ZNF385D: variants seen among roughly 807,000 people sequenced by gnomAD.
ZNF385D encodes zinc finger protein 659.
Under a neutral mutation model 35.8 loss-of-function variants are expected in ZNF385D, and 15 were observed. That is an observed-to-expected ratio of 0.42 (90% CI 0.28 to 0.64). ZNF385D has a LOEUF of 0.64. Among genes scored for constraint, ZNF385D ranks in the 30% least tolerant of loss-of-function variants. ZNF385D has a pLI of 0.23. For synonymous variants in ZNF385D, 212 were observed against 186.8 expected, an observed-to-expected ratio of 1.13 and a Z score of -1.10; for missense variants, 474 against 494.6, an observed-to-expected ratio of 0.96 and a Z score of 0.39.
chr3:21,866,543 T>C (rs542357719), intron 3 of ZNF385D, among the ~76,000 whole-genome samples: 2 of 152,180 alleles, frequency 1.3e-5, no homozygotes, highest in African/African-American at 2.4e-5. Context: ...CATACTCAAC[T>C]GGAGCAAGGG....
intron 2 of ZNF385D, among the ~76,000 whole-genome samples, chr3:22,197,088 C>T (rs1048238670): frequency 2.6e-5 from 4 of 151,994 alleles, no homozygotes; most frequent in Non-Finnish European, 5.9e-5. Flanking sequence ...TAATTTTTCA[C>T]ATAATTTTTA....
At chr3:22,099,729 G>T (rs572052399) in intron 3 of ZNF385D, among the ~76,000 whole-genome samples, 1 of 151,980 alleles carries the variant, frequency 6.6e-6, no homozygotes, top group Non-Finnish European at 1.5e-5. Flanking sequence ...AGGATGGAGC[G>T]TAAGGAGAGC....
intron 2 of ZNF385D, among the ~76,000 whole-genome samples, chr3:22,194,541 C>G (rs1368362176): frequency 6.6e-6 from 1 of 151,724 alleles, no homozygotes; most frequent in Non-Finnish European, 1.5e-5. Flanking sequence ...CAGTAAAATT[C>G]ACTGTCATTT....
chr3:22,010,816 G>A (rs1048318399), intron 3 of ZNF385D, among the ~76,000 whole-genome samples: 1 of 152,108 alleles, frequency 6.6e-6, no homozygotes, highest in Non-Finnish European at 1.5e-5. Context: ...GGTGCTTTGG[G>A]TTGTTTATAT....
intron 3 of ZNF385D, among the ~76,000 whole-genome samples, chr3:22,120,786 T>C (rs532355686): frequency 6.6e-6 from 1 of 152,280 alleles, no homozygotes; most frequent in Non-Finnish European, 1.5e-5. Flanking sequence ...TTTAAATATG[T>C]TTTCCTAATT....
intron 3 of ZNF385D, among the ~76,000 whole-genome samples, chr3:22,085,156 A>C (rs577422323): frequency 6.6e-6 from 1 of 151,328 alleles, no homozygotes; most frequent in South Asian, 2.1e-4. Context: ...TAACATCACA[A>C]TTAAGAATAA....
intron 3 of ZNF385D, among the ~76,000 whole-genome samples, chr3:22,082,615 T>G (rs1295741916): frequency 1.3e-5 from 2 of 152,148 alleles, no homozygotes; most frequent in Non-Finnish European, 2.9e-5. Context: ...ACTCCACCTC[T>G]AGGGGCAGGG....
intron 3 of ZNF385D, among the ~76,000 whole-genome samples, chr3:21,980,437 T>C (rs1427726373): frequency 2.0e-5 from 3 of 152,176 alleles, no homozygotes; most frequent in Admixed American, 6.6e-5. Flanking sequence ...ATAATGTAGA[T>C]AATGAGTAAT....
chr3:22,123,950 CTCTCTCTCTCTCTA>C (rs748937897), intron 3 of ZNF385D, among the ~76,000 whole-genome samples: 1,732 of 102,896 alleles, frequency 0.017, 11 homozygotes, highest in Non-Finnish European at 0.028. Context: ...CTCTCTCTCT[CTCTCTCTCTCTCTA>C]TATATATATA....
chr3:21,856,159 CAT>C (rs1036840800), intron 3 of ZNF385D, among the ~76,000 whole-genome samples: 2 of 152,132 alleles, frequency 1.3e-5, no homozygotes, highest in East Asian at 1.9e-4. Flanking sequence ...AAATTTTTCA[CAT>C]GAGGTATTTT....
intron 3 of ZNF385D, among the ~76,000 whole-genome samples, chr3:21,958,378 A>C (rs1239728244): frequency 6.6e-6 from 1 of 152,122 alleles, no homozygotes; most frequent in East Asian, 1.9e-4. Context: ...TAAGTTTCAT[A>C]CCTCAAAATC....
At chr3:22,074,733 G>T (rs1700384269) in intron 3 of ZNF385D, among the ~76,000 whole-genome samples, 1 of 151,648 alleles carries the variant, frequency 6.6e-6, no homozygotes, top group African/African-American at 2.4e-5. Flanking sequence ...TCATACCCTG[G>T]TCTTCCCGAC....
At position 21,413,417 on chromosome 3, in the gene ZNF385D, C is replaced by G. The variant is rs148557117; in HGVS notation, c.*7797G>C. 26 of 152,190 alleles carry G rather than the reference C, an allele frequency of 1.7e-4. No homozygotes were observed. The highest frequency in any genetic ancestry group is 5.8e-4 in the African/African-American group (24 of 41,556). 9.4% of individuals were successfully genotyped at this position (152,190 alleles called of 1,614,324 possible). On this transcript the variant is annotated 3_prime_UTR_variant, in exon 8 of 8. Coordinates refer to ENST00000281523, the MANE Select transcript of ZNF385D (RefSeq NM_024697.3). ...GTGGCTGACCAATGATTCGGAATCT[C>G]ACATTGGTGTGACTAGTGATTATAG...
chr3:21,797,855 G>C (rs34568604), intron 3 of ZNF385D, among the ~76,000 whole-genome samples: 8,300 of 152,162 alleles, frequency 0.055, 491 homozygotes, highest in East Asian at 0.32. Flanking sequence ...GGTAGGAGTG[G>C]GGGATGCATA....
chr3:21,821,062 T>C (rs960457069), intron 3 of ZNF385D, among the ~76,000 whole-genome samples: 1 of 152,044 alleles, frequency 6.6e-6, no homozygotes, highest in African/African-American at 2.4e-5. Flanking sequence ...GGTAAAAATA[T>C]TTTTTCAGGG....
chr3:21,817,951 G>A lies in ZNF385D; in HGVS notation c.326-152923C>T, dbSNP rs143766882. Among the ~76,000 whole-genome samples the A allele has an allele frequency of 3.3e-4, 50 of 152,268 alleles. No individual in the cohort carries two copies. The East Asian group carries it at 9.3e-3, about 28-fold the overall frequency. On this transcript the variant is annotated intron_variant, in intron 3 of 5. Transcript: ENST00000494108. ...CCCAAATGTCCATCAGTGACAGACTGGATTAAGAAAATTTGGCACATATAC... is the reference window on the plus strand; with the variant it reads ...CCCAAATGTCCATCAGTGACAGACTAGATTAAGAAAATTTGGCACATATAC...
intron 3 of ZNF385D, among the ~76,000 whole-genome samples, chr3:21,906,779 A>C (rs1232581999): frequency 1.3e-5 from 2 of 152,152 alleles, no homozygotes; most frequent in Non-Finnish European, 2.9e-5. Flanking sequence ...ACTGTCCCTC[A>C]GCTGCCTCTG....
At chr3:21,706,219 G>A (rs2067893161) in intron 1 of ZNF385D, among the ~76,000 whole-genome samples, 1 of 151,182 alleles carries the variant, frequency 6.6e-6, no homozygotes, top group Non-Finnish European at 1.5e-5. Flanking sequence ...TTTCACACTG[G>A]CAAAACAAAA....
chr3:21,819,730 G>A (rs1295551324), intron 3 of ZNF385D, among the ~76,000 whole-genome samples: 4 of 139,406 alleles, frequency 2.9e-5, no homozygotes, highest in East Asian at 2.1e-4. Flanking sequence ...ACACATGTAC[G>A]TGTGTATATA....
Sources: allele counts gnomAD v4.1 joint callset (sites outside exome capture counted in the v4.1 genomes callset), GRCh38; gene constraint gnomAD v4.1.1; transcripts MANE v1.5; gene names NCBI Gene and HGNC (gene_info 2026-07-23, HGNC 2026-07-21).